Variants in SV2B observed in about 807,000 individuals in gnomAD.
SV2B encodes solute carrier family 22 member B2.
Under a neutral mutation model 73.9 loss-of-function variants are expected in SV2B, and 41 were observed. That is an observed-to-expected ratio of 0.56 (90% CI 0.43 to 0.72). The LOEUF (loss-of-function observed/expected upper bound fraction) is 0.72. Among genes scored for constraint, SV2B ranks in the 30% least tolerant of loss-of-function variants. SV2B has a pLI of 0.00. For synonymous variants in SV2B, 314 were observed against 314.2 expected (o/e 1.00, Z 0.01); for missense variants, 764 against 857.8 (o/e 0.89, Z 1.37).
rs1422777771 is a variant in SV2B, at chr15:91,259,778, C to T, written c.919-542C>T. Among the ~76,000 whole-genome samples, 5 of 152,300 alleles carry T rather than the reference C, an allele frequency of 3.3e-5. No homozygotes were observed. In the East Asian group the frequency reaches 9.7e-4, roughly 29 times the overall value. On this transcript the variant is annotated intron_variant, in intron 5 of 12. Transcript: ENST00000394232. Reference sequence around the variant, plus strand: ...GGTGTCCTCCCTGATGCCTCTGTGTCTCCATATGGAGGTCTTCCTATAAGG... The same window carrying T: ...GGTGTCCTCCCTGATGCCTCTGTGTTTCCATATGGAGGTCTTCCTATAAGG...
intron 1 of SV2B, among the ~76,000 whole-genome samples, chr15:91,213,245 A>G (rs1353252181): frequency 1.3e-5 from 2 of 152,210 alleles, no homozygotes; most frequent in Non-Finnish European, 2.9e-5. Flanking sequence ...GCTTCCCAAT[A>G]GGACCAATAG....
In SV2B at chr15:91,301,663, A is replaced by G. The variant is rs970993438; in HGVS notation, c.*9111A>G. 2.0e-5 allele frequency among the ~76,000 whole-genome samples: 3 copies of G among 152,202 alleles called. No homozygotes were observed. The highest frequency in any genetic ancestry group is 4.4e-5 in the Non-Finnish European group (3 of 68,046). ...TGGAACACAGGAAAGTCACTTGTCAAAGGCCAAATAGCTACAGACTGAGTA... is the reference window on the plus strand; with the variant it reads ...TGGAACACAGGAAAGTCACTTGTCAGAGGCCAAATAGCTACAGACTGAGTA... On this transcript the variant is annotated 3_prime_UTR_variant, in exon 13 of 13. Transcript: ENST00000394232. The surrounding 1 kb of genome is among the most constrained non-coding windows in gnomAD (Gnocchi z 4.3).
At chr15:91,108,921 A>G (rs930669153) in intron 1 of SV2B, among the ~76,000 whole-genome samples, 1 of 152,132 alleles carries the variant, frequency 6.6e-6, no homozygotes, top group African/African-American at 2.4e-5. Flanking sequence ...CCTGTTTTCT[A>G]TACACACTTC....
intron 1 of SV2B, among the ~76,000 whole-genome samples, chr15:91,152,695 A>G (rs2043351213): frequency 6.6e-6 from 1 of 152,210 alleles, no homozygotes; most frequent in African/African-American, 2.4e-5. Context: ...CCTTTAAAAA[A>G]GGGAATGTGG....
intron 1 of SV2B, among the ~76,000 whole-genome samples, chr15:91,188,947 C>T (rs1371179109): frequency 6.6e-6 from 1 of 152,128 alleles, no homozygotes; most frequent in African/African-American, 2.4e-5. Flanking sequence ...TAGCCTCGGC[C>T]TCCCAAATAG....
intron 2 of SV2B, among the ~76,000 whole-genome samples, chr15:91,249,955 A>G (rs1199504266): frequency 2.0e-5 from 3 of 152,238 alleles, no homozygotes; most frequent in Admixed American, 2.0e-4. Flanking sequence ...AGTAATGCCA[A>G]CCTTTCTCAA....
chr15:91,130,247 T>TG lies in SV2B; in HGVS notation c.-392+29887dup, dbSNP rs1423723581. ...GCTGAGGTTCTTAGGTTAGGGCAAC[T>TG]GGGAGAGAGGATGGGAGGAGTGTTG... is the stretch of plus-strand genomic sequence containing the variant. On this transcript the variant is annotated intron_variant, in intron 1 of 12. Coordinates refer to ENST00000394232, the MANE Select transcript of SV2B (RefSeq NM_001323032.3). This position sits in a 1 kb window ranked among gnomAD's most constrained non-coding sequence, Gnocchi z 5.6. Among the ~76,000 whole-genome samples, 1 of 152,120 alleles carries TG rather than the reference T, an allele frequency of 6.6e-6. No homozygotes were observed. The highest frequency in any genetic ancestry group is 1.5e-5 in the Non-Finnish European group (1 of 68,022).
Position 91,288,138 on chromosome 15 carries a change from G to T in SV2B, c.1709-1383G>T, listed in dbSNP as rs1177111836. Among the ~76,000 whole-genome samples the T allele has an allele frequency of 6.6e-6, 1 of 152,166 alleles. No individual in the cohort carries two copies. The highest frequency in any genetic ancestry group is 1.5e-5 in the Non-Finnish European group (1 of 68,028). On this transcript the variant is annotated intron_variant, in intron 11 of 12. Transcript: ENST00000394232. The surrounding 1 kb of genome is among the most constrained non-coding windows in gnomAD (Gnocchi z 5.8). ...TGAGAAGGGCAAGTCAGATCTCTGG[G>T]GTGGGGATTCGGGTAAATGGGGAAT...
rs187793780 is a variant in SV2B, at chr15:91,290,930, G to A, written c.1868+1250G>A. Among the ~76,000 whole-genome samples, 63 of 151,984 alleles carry A rather than the reference G, an allele frequency of 4.1e-4. No individual in the cohort carries two copies. The highest frequency in any genetic ancestry group is 2.1e-4 in the South Asian group (1 of 4,806). On this transcript the variant is annotated intron_variant, in intron 12 of 12. Transcript: ENST00000394232. The surrounding 1 kb of genome is among the most constrained non-coding windows in gnomAD (Gnocchi z 4.7). The stretch of plus-strand genomic sequence containing the variant: ...TCAGGAGGCTGAGGGGGAGAGCTGC[G>A]AGAGCCCCGGGGTTTCAGGGTTACA...
chr15:91,189,019 T>C (rs2044893627), intron 1 of SV2B, among the ~76,000 whole-genome samples: 1 of 151,894 alleles, frequency 6.6e-6, no homozygotes, highest in Admixed American at 6.6e-5. Context: ...TAGAGACAGG[T>C]TTTGCCATGT....
Position 91,283,933 on chromosome 15 carries a change from G to T in SV2B, c.1508-88G>T. ...CAAAGGCTGGCACAGCCTGCCTACA[G>T]GAGGGGGCAGACTTCATCCCTGCCT... On this transcript the variant is annotated intron_variant, in intron 10 of 12. Transcript: ENST00000394232. This position sits in a 1 kb window ranked among gnomAD's most constrained non-coding sequence, Gnocchi z 4.3. The T allele has an allele frequency of 7.2e-7, 1 of 1,389,402 alleles. No individual in the cohort carries two copies. The highest frequency in any genetic ancestry group is 1.0e-6 in the Non-Finnish European group (1 of 990,552). The allele number at this position is 1,389,402 out of a possible 1,614,324, so 86.1% of individuals were successfully genotyped here.
chr15:91,124,219 A>C lies in SV2B; in HGVS notation c.-392+23856A>C, dbSNP rs1281355588. On this transcript the variant is annotated intron_variant, in intron 1 of 12. Coordinates refer to ENST00000394232, the MANE Select transcript of SV2B (RefSeq NM_001323032.3). The surrounding 1 kb of genome is among the most constrained non-coding windows in gnomAD (Gnocchi z 4.6). ...AATGAATGTTCCAGCCTCAGGGCCC[A>C]TCTGTTCATGCTATTTATTCCCTCG... is the stretch of plus-strand genomic sequence containing the variant. Among the ~76,000 whole-genome samples the C allele has an allele frequency of 6.6e-6, 1 of 152,202 alleles. No individual in the cohort carries two copies. The highest frequency in any genetic ancestry group is 1.5e-5 in the Non-Finnish European group (1 of 68,026).
At chr15:91,147,927 C>A (rs1385410937) in intron 1 of SV2B, among the ~76,000 whole-genome samples, 2 of 136,820 alleles carry the variant, frequency 1.5e-5, no homozygotes, top group African/African-American at 5.4e-5. Context: ...GAAGAAACAA[C>A]AGTTTTCTGT....
chr15:91,269,220 G>A (rs2048214041), intron 9 of SV2B, among the ~76,000 whole-genome samples: 2 of 152,070 alleles, frequency 1.3e-5, no homozygotes, highest in Non-Finnish European at 2.9e-5. Context: ...AATGAGATGG[G>A]CCATCCGCCC....
intron 9 of SV2B, among the ~76,000 whole-genome samples, chr15:91,276,191 T>C (rs1007533079): frequency 2.0e-5 from 3 of 151,830 alleles, no homozygotes; most frequent in African/African-American, 7.3e-5. Context: ...TGTAACATGA[T>C]TTTTTTTCTT....
intron 9 of SV2B, among the ~76,000 whole-genome samples, chr15:91,279,328 C>G (rs2048608363): frequency 6.6e-6 from 1 of 152,228 alleles, no homozygotes; most frequent in Non-Finnish European, 1.5e-5. Context: ...ACTTGCTGGA[C>G]TAACCATTGG....
intron 1 of SV2B, among the ~76,000 whole-genome samples, chr15:91,166,010 T>C (rs2043898702): frequency 6.6e-6 from 1 of 152,242 alleles, no homozygotes; most frequent in Non-Finnish European, 1.5e-5. Context: ...ACAATCCTTT[T>C]CTTTCAGCAC....
rs2041998411 is a variant in SV2B at position 91,110,151 on chromosome 15, C to T, written c.-392+9788C>T. Among the ~76,000 whole-genome samples the T allele has an allele frequency of 6.6e-6, 1 of 152,138 alleles. No individual in the cohort carries two copies. The highest frequency in any genetic ancestry group is 1.9e-4 in the East Asian group (1 of 5,186). On this transcript the variant is annotated intron_variant, in intron 1 of 12. Coordinates refer to ENST00000394232, the MANE Select transcript of SV2B (RefSeq NM_001323032.3). This position sits in a 1 kb window ranked among gnomAD's most constrained non-coding sequence, Gnocchi z 5.4. ...AACGTGTTCTGTTCCTTCTTCTTAGCAGTGTTCATTTGCATGTTTCTCTCA... is the reference window on the plus strand; with the variant it reads ...AACGTGTTCTGTTCCTTCTTCTTAGTAGTGTTCATTTGCATGTTTCTCTCA...
chr15:91,206,201 C>CTTTT lies in SV2B; in HGVS notation c.-391-19653_-391-19650dup, dbSNP rs538615675. ...TACAGGCACATGCCACCATGCCTGG[C>CTTTT]TTTTTTTTTTTTTTTTTTTTTTCAG... On this transcript the variant is annotated intron_variant, in intron 1 of 12. Transcript: ENST00000394232. Among the ~76,000 whole-genome samples, 297 of 101,892 alleles carry CTTTT rather than the reference C, an allele frequency of 2.9e-3. 8 individuals carry two copies. Among genetic ancestry groups the CTTTT allele is most frequent in the African/African-American group, 0.011 (286 of 24,956 alleles). 66.8% of individuals were successfully genotyped at this position (101,892 alleles called of 152,430 possible). A position where few individuals can be genotyped will look rare whatever the true frequency, so the allele number is the denominator to read the frequency against.
Sources: gnomAD v4.1 joint callset for allele counts (sites outside exome capture counted in the v4.1 genomes callset) on GRCh38, gnomAD v4.1.1 for gene constraint, Gnocchi (gnomAD v3.1) non-coding constraint, MANE v1.5 for transcripts, NCBI Gene and HGNC (gene_info 2026-07-23, HGNC 2026-07-21) for gene names.